The following TBC1D4 variants were observed in gnomAD, a reference collection of about 807,000 sequenced individuals.
The protein encoded by TBC1D4 is TBC1 domain family member 4.
In TBC1D4, 121 loss-of-function variants were observed where a neutral mutation model predicts 142.5. The ratio of observed to expected loss-of-function variants is 0.85; its 90% CI spans 0.73 to 0.99. TBC1D4 has a LOEUF of 0.99. Among genes scored for constraint, TBC1D4 ranks in the 50% least tolerant of loss-of-function variants. The pLI is 0.00. For missense variants in TBC1D4, 1,475 were observed against 1,606.6 expected, an observed-to-expected ratio of 0.92 and a Z score of 1.40; for synonymous variants, 630 against 628.2, an observed-to-expected ratio of 1.00 and a Z score of -0.04.
At chr13:75,314,377 G>C (rs1253091883) in intron 12 of TBC1D4, among the ~76,000 whole-genome samples, 2 of 152,172 alleles carry the variant, frequency 1.3e-5, no homozygotes, top group East Asian at 1.9e-4. Context: ...GAACTCAATA[G>C]TGTTGAGGCA....
At chr13:75,397,534 G>A (rs544455049) in intron 1 of TBC1D4, among the ~76,000 whole-genome samples, 2 of 152,136 alleles carry the variant, frequency 1.3e-5, no homozygotes, top group African/African-American at 4.8e-5. Flanking sequence ...GTGTGGAGAC[G>A]GCAAGGAGAG....
chr13:75,293,426 T>C (rs896499073), intron 18 of TBC1D4, among the ~76,000 whole-genome samples: 3 of 152,124 alleles, frequency 2.0e-5, no homozygotes, highest in African/African-American at 4.8e-5. Flanking sequence ...GACAAAAAAC[T>C]GATACTGAGG....
At chr13:75,470,940 TC>T (rs1398807702) in intron 1 of TBC1D4, among the ~76,000 whole-genome samples, 1 of 148,722 alleles carries the variant, frequency 6.7e-6, no homozygotes, top group Non-Finnish European at 1.5e-5. Context: ...TAAGCCAAGA[TC>T]CGCCACTGCA....
At chr13:75,360,128 CTG>C (rs1882384499) in intron 2 of TBC1D4, among the ~76,000 whole-genome samples, 1 of 152,026 alleles carries the variant, frequency 6.6e-6, no homozygotes, top group South Asian at 2.1e-4. Flanking sequence ...TTAGAAACAA[CTG>C]TCTTTTTAAA....
At chr13:75,367,076 A>C in intron 1 of TBC1D4, 1 of 703,548 alleles carries the variant, frequency 1.4e-6, no homozygotes, top group Non-Finnish European at 1.7e-6. Context: ...TATGCAGCCA[A>C]TTATAAAACT....
At chr13:75,409,364 A>T in intron 1 of TBC1D4, among the ~76,000 whole-genome samples, 1 of 151,990 alleles carries the variant, frequency 6.6e-6, no homozygotes, top group East Asian at 1.9e-4. Context: ...CTGTATGCTC[A>T]CTCCCTCCCA....
intron 1 of TBC1D4, among the ~76,000 whole-genome samples, chr13:75,428,736 T>C (rs771997045): frequency 1.4e-4 from 22 of 152,360 alleles, no homozygotes; most frequent in Non-Finnish European, 3.1e-4. Context: ...TGAAGCAACA[T>C]TGCAAAAGTC....
intron 1 of TBC1D4, among the ~76,000 whole-genome samples, chr13:75,394,745 A>C (rs1884693464): frequency 6.6e-6 from 1 of 152,248 alleles, no homozygotes; most frequent in African/African-American, 2.4e-5. Context: ...TAACGTGCAA[A>C]TCAAATATAT....
chr13:75,362,507 T>C lies in TBC1D4; in HGVS notation c.599A>G (p.Gln200Arg), dbSNP rs1365466783. ...TCCACAGTACAGGACTTCGAACTTC[T>C]GAGAGTTGTAAAAGGCGTCCTCATT... ...KDNEDAFYNSQKFEVLYCGKV... is the reference protein window; with the variant it reads ...KDNEDAFYNSRKFEVLYCGKV... The change falls in exon 2 of 21, where the codon CAG becomes CGG. Residue 200 changes from glutamine (Q) to arginine (R), a missense_variant. Coordinates refer to ENST00000377636, the MANE Select transcript of TBC1D4 (RefSeq NM_014832.5). This position sits in a 1 kb window ranked among gnomAD's most constrained non-coding sequence, Gnocchi z 4.2. The C allele has an allele frequency of 1.2e-6, 2 of 1,614,222 alleles. No homozygotes were observed. The highest frequency in any genetic ancestry group is 1.7e-6 in the Non-Finnish European group (2 of 1,180,034).
At position 75,481,427 on chromosome 13, in the gene TBC1D4, G is replaced by A. The variant is rs372105072; in HGVS notation, c.341C>T (p.Pro114Leu). 1.9e-5 allele frequency: 30 copies of A among 1,613,734 alleles called. No homozygotes were observed. In the Middle Eastern group the frequency reaches 6.6e-4, roughly 35 times the overall value. The change falls in exon 1 of 21, where the codon CCG becomes CTG. Residue 114 changes from proline to leucine, a missense_variant. By Grantham distance (98) the Pro-to-Leu change is moderately conservative (BLOSUM62 -3). Transcript: ENST00000377636. Reference sequence around the variant, plus strand: ...CTTGTGCTCGAAGATGAATACCGCCGGGTTGGGCTGCGTGGCCGACGGACT... The same window carrying A: ...CTTGTGCTCGAAGATGAATACCGCCAGGTTGGGCTGCGTGGCCGACGGACT... ...GTSPSATQPN[P>L]AVFIFEHKAQ...
intron 1 of TBC1D4, among the ~76,000 whole-genome samples, chr13:75,369,497 T>A (rs1410562637): frequency 3.3e-5 from 5 of 150,538 alleles, no homozygotes; most frequent in African/African-American, 7.3e-5. Context: ...AGACCCTGTC[T>A]CACACACACA....
chr13:75,445,262 T>C (rs1887226839), intron 1 of TBC1D4, among the ~76,000 whole-genome samples: 1 of 152,220 alleles, frequency 6.6e-6, no homozygotes, highest in African/African-American at 2.4e-5. Context: ...CTCTATTCCA[T>C]ACAACACATA....
intron 1 of TBC1D4, among the ~76,000 whole-genome samples, chr13:75,451,438 A>G (rs1887525572): frequency 6.6e-6 from 1 of 150,784 alleles, no homozygotes; most frequent in South Asian, 2.1e-4. Flanking sequence ...ATAGATATGT[A>G]ATATTACATA....
chr13:75,315,429 T>TATATATACATACAC (rs1555302471), intron 12 of TBC1D4, among the ~76,000 whole-genome samples: 1 of 146,262 alleles, frequency 6.8e-6, no homozygotes, highest in East Asian at 2.0e-4. Flanking sequence ...CACACACATA[T>TATATATACATACAC]ATATATATAT....
At chr13:75,464,984 G>C (rs1300087904) in intron 1 of TBC1D4, among the ~76,000 whole-genome samples, 2 of 151,668 alleles carry the variant, frequency 1.3e-5, no homozygotes, top group Non-Finnish European at 2.9e-5. Flanking sequence ...TTGAAAATTT[G>C]TAGTTATGTT....
intron 4 of TBC1D4, among the ~76,000 whole-genome samples, chr13:75,350,808 T>C (rs1214393164): frequency 6.6e-6 from 1 of 152,154 alleles, no homozygotes; most frequent in African/African-American, 2.4e-5. Flanking sequence ...TATTTCTGGG[T>C]CATGGTGTCT....
At chr13:75,465,478 A>G (rs948049339) in intron 1 of TBC1D4, among the ~76,000 whole-genome samples, 3 of 152,194 alleles carry the variant, frequency 2.0e-5, no homozygotes, top group African/African-American at 4.8e-5. Flanking sequence ...AGATCAAATG[A>G]CTTTTCATGT....
rs1593849956 is a variant in TBC1D4 at position 75,405,268 on chromosome 13, G to GTT, written c.499-42662_499-42661insAA. On this transcript the variant is annotated intron_variant, in intron 1 of 20. Transcript: ENST00000377636. ...TGTGTGTATATATACATGTATATAT[G>GTT]CTTTTTTTTTTTTTTTTGGAGAGAT... Among the ~76,000 whole-genome samples, 5 of 82,808 alleles carry GTT rather than the reference G, an allele frequency of 6.0e-5. 1 individual carries two copies. Among genetic ancestry groups the GTT allele is most frequent in the Non-Finnish European group, 5.3e-5 (2 of 37,530 alleles). The allele number at this position is 82,808 out of a possible 152,430, so 54.3% of individuals were successfully genotyped here.
rs779210082 is a variant in TBC1D4 at position 75,341,184 on chromosome 13, G to C, written c.1552C>G (p.Leu518Val). 1 of 1,613,346 alleles carries C rather than the reference G, an allele frequency of 6.2e-7. No individual in the cohort carries two copies. Among genetic ancestry groups the C allele is most frequent in the African/African-American group, 1.3e-5 (1 of 74,678 alleles). Reference sequence around the variant, plus strand: ...TGCTTGGCTTCACACAGCTGCCTCAGGTGTAAAATCACAAGTTCATTTTCT... The same window carrying C: ...TGCTTGGCTTCACACAGCTGCCTCACGTGTAAAATCACAAGTTCATTTTCT... ...QEENELVILH[L>V]RQLCEAKQKT... Residue 518 changes from leucine to valine, a missense_variant, in exon 7 of 21, where the codon CTG becomes GTG. Physicochemically the swap from Leu to Val is conservative, Grantham distance 32. Coordinates refer to ENST00000377636, the MANE Select transcript of TBC1D4 (RefSeq NM_014832.5).
Sources: gnomAD v4.1 joint callset for allele counts (sites outside exome capture counted in the v4.1 genomes callset) on GRCh38, gnomAD v4.1.1 for gene constraint, Gnocchi (gnomAD v3.1) non-coding constraint, MANE v1.5 for transcripts, NCBI Gene and HGNC (gene_info 2026-07-23, HGNC 2026-07-21) for gene names.